Variants in TLN2 observed in about 807,000 individuals in gnomAD.
TLN2 encodes the protein talin-2.
TLN2 carries 118 observed loss-of-function variants against 294.7 expected under a neutral mutation model. The ratio of observed to expected loss-of-function variants is 0.40; its 90% CI spans 0.34 to 0.47. The LOEUF (loss-of-function observed/expected upper bound fraction) is 0.47, where lower values mean the gene tolerates loss of function less well. Ranked by LOEUF, TLN2 falls within the 20% of genes least tolerant of loss-of-function variation. The pLI is 0.84. For missense variants in TLN2, 3,083 were observed against 3,282.2 expected (o/e 0.94, Z 1.48); for synonymous variants, 1,431 against 1,304.5 (o/e 1.10, Z -2.09).
intron 37 of TLN2, among the ~76,000 whole-genome samples, chr15:62,759,329 T>G (rs190161605): frequency 6.6e-6 from 1 of 152,220 alleles, no homozygotes; most frequent in Admixed American, 6.5e-5. Context: ...ATGATTGATA[T>G]GGCTTGCTAT....
intron 1 of TLN2, among the ~76,000 whole-genome samples, chr15:62,429,768 T>C (rs1424027355): frequency 6.6e-6 from 1 of 152,188 alleles, no homozygotes; most frequent in Admixed American, 6.5e-5. Context: ...CCAGAAACTT[T>C]CTAGAAGCAA....
intron 1 of TLN2, among the ~76,000 whole-genome samples, chr15:62,408,222 C>T (rs1340674208): frequency 6.6e-6 from 1 of 151,976 alleles, no homozygotes; most frequent in Non-Finnish European, 1.5e-5. Flanking sequence ...CACTGTGTGC[C>T]TTATCAAAAC....
At chr15:62,431,895 A>G (rs112928202) in intron 1 of TLN2, among the ~76,000 whole-genome samples, 1 of 152,246 alleles carries the variant, frequency 6.6e-6, no homozygotes, top group African/African-American at 2.4e-5. Context: ...CAGGGATACA[A>G]ATGTAGAGTG....
At chr15:62,569,727 AG>A (rs946491889) in intron 1 of TLN2, among the ~76,000 whole-genome samples, 2 of 152,238 alleles carry the variant, frequency 1.3e-5, no homozygotes, top group Non-Finnish European at 2.9e-5. Context: ...AGCACGTGAG[AG>A]AAATGTTGTG....
intron 1 of TLN2, among the ~76,000 whole-genome samples, chr15:62,471,533 C>G (rs530616090): frequency 3.2e-4 from 48 of 152,338 alleles, no homozygotes; most frequent in African/African-American, 1.1e-3. Context: ...CTTTGCATGG[C>G]CCTTACAGGG....
At chr15:62,763,462 C>A in intron 39 of TLN2, 101 bp from the exon 40 acceptor site, 27 of 1,467,284 alleles carry the variant, frequency 1.8e-5, no homozygotes, top group Non-Finnish European at 2.4e-5. Context: ...GTGACTGTGT[C>A]AGGGAGGAAG....
At chr15:62,482,016 C>T (rs572380855) in intron 1 of TLN2, among the ~76,000 whole-genome samples, 2 of 151,844 alleles carry the variant, frequency 1.3e-5, no homozygotes, top group Admixed American at 6.6e-5. Context: ...AGGCTGGTCT[C>T]GAACTCCTGA....
At chr15:62,564,088 G>A (rs1376473399) in intron 1 of TLN2, among the ~76,000 whole-genome samples, 1 of 152,176 alleles carries the variant, frequency 6.6e-6, no homozygotes, top group African/African-American at 2.4e-5. Context: ...GTGGTGTTTT[G>A]AGTTTTAGAA....
intron 11 of TLN2, among the ~76,000 whole-genome samples, chr15:62,686,401 C>T (rs2057291655): frequency 1.3e-5 from 2 of 152,192 alleles, no homozygotes; most frequent in Admixed American, 1.3e-4. Context: ...GAGCAAGCTG[C>T]TCTCCTGAAC....
chr15:62,475,516 A>AT (rs1236109748), intron 1 of TLN2, among the ~76,000 whole-genome samples: 7 of 152,112 alleles, frequency 4.6e-5, no homozygotes, highest in African/African-American at 7.2e-5. Flanking sequence ...AAAATGCATG[A>AT]TTTTTTGTGG....
intron 1 of TLN2, among the ~76,000 whole-genome samples, chr15:62,586,206 AG>A (rs1488128380): frequency 6.6e-6 from 1 of 152,234 alleles, no homozygotes; most frequent in Non-Finnish European, 1.5e-5. Context: ...CAGAGAGGCC[AG>A]CAATTCACAC....
intron 1 of TLN2, among the ~76,000 whole-genome samples, chr15:62,456,323 A>G (rs1048334068): frequency 2.0e-5 from 3 of 152,200 alleles, no homozygotes; most frequent in Non-Finnish European, 4.4e-5. Flanking sequence ...AAAGCGTTTC[A>G]TCGGCTCTTC....
intron 9 of TLN2, among the ~76,000 whole-genome samples, chr15:62,663,274 G>A (rs1427157921): frequency 6.6e-6 from 1 of 151,992 alleles, no homozygotes; most frequent in Non-Finnish European, 1.5e-5. Flanking sequence ...AAATAATCTT[G>A]ATGACAAAAA....
In TLN2 at chr15:62,843,779, A is replaced by G. The variant is rs881235; in HGVS notation, c.*3169A>G. 0.12 allele frequency: 17,716 copies of G among 152,220 alleles called. 1,158 individuals carry two copies. The highest frequency in any genetic ancestry group is 0.19 in the South Asian group (913 of 4,820). The allele number at this position is 152,220 out of a possible 1,614,324, so 9.4% of individuals were successfully genotyped here. The stretch of plus-strand genomic sequence containing the variant: ...TGATGCCAAGGCCAAAACCTCATCA[A>G]GGAACCAGACACAGGTCAAAAGTGG... On this transcript the variant is annotated 3_prime_UTR_variant, in exon 59 of 59. Coordinates refer to ENST00000636159, the MANE Select transcript of TLN2 (RefSeq NM_015059.3).
chr15:62,598,861 G>A (rs1297271307), intron 2 of TLN2, among the ~76,000 whole-genome samples: 1 of 152,094 alleles, frequency 6.6e-6, no homozygotes, highest in Non-Finnish European at 1.5e-5. Context: ...CGGATGGATG[G>A]CAGGTGCCCT....
At chr15:62,779,087 T>G (rs188236306) in intron 43 of TLN2, among the ~76,000 whole-genome samples, 1 of 152,194 alleles carries the variant, frequency 6.6e-6, no homozygotes, top group Admixed American at 6.5e-5. Context: ...AAAACCTGAG[T>G]GTAGCCAGAG....
intron 1 of TLN2, among the ~76,000 whole-genome samples, chr15:62,544,047 G>A (rs1023073915): frequency 2.6e-5 from 4 of 152,140 alleles, no homozygotes; most frequent in South Asian, 2.1e-4. Flanking sequence ...ATGAGGCCTC[G>A]GTCCTGATCT....
intron 25 of TLN2, 91 bp from the exon 26 acceptor site, chr15:62,722,262 C>G (rs2060193814): frequency 7.2e-7 from 1 of 1,383,268 alleles, no homozygotes; most frequent in Admixed American, 2.4e-5. Context: ...AAAATCAGTT[C>G]TTACTGCTGT....
chr15:62,781,205 A>G lies in TLN2; in HGVS notation c.5580A>G (p.Lys1860=), dbSNP rs774079834. 27 of 1,614,184 alleles carry G rather than the reference A, an allele frequency of 1.7e-5. No homozygotes were observed. Among genetic ancestry groups the G allele is most frequent in the Non-Finnish European group, 2.3e-5 (27 of 1,180,028 alleles). Residue 1860 remains lysine, a synonymous_variant, in exon 44 of 59, where the codon AAA becomes AAG. Transcript: ENST00000636159. Reference sequence around the variant, plus strand: ...TCGACTATCAGACGACTGTGGTTAAATACTCCAAAGCCATTGCGGTGACAG... The same window carrying G: ...TCGACTATCAGACGACTGTGGTTAAGTACTCCAAAGCCATTGCGGTGACAG... ...TFVDYQTTVV[K]YSKAIAVTAQ... is the part of the protein sequence containing the mutation.
Sources: allele counts gnomAD v4.1 joint callset (sites outside exome capture counted in the v4.1 genomes callset), GRCh38; gene constraint gnomAD v4.1.1; transcripts MANE v1.5; gene names NCBI Gene and HGNC (gene_info 2026-07-23, HGNC 2026-07-21).